Variants in GALC observed in about 807,000 individuals in gnomAD.
GALC encodes the protein galactocerebrosidase.
GALC carries 77 observed loss-of-function variants against 91.8 expected under a neutral mutation model. The observed-to-expected ratio is 0.84, with a 90% CI of 0.70 to 1.01. The LOEUF is 1.01. Ranked by LOEUF, GALC falls within the 50% of genes least tolerant of loss-of-function variation. The pLI is 0.00. For missense variants in GALC, 882 were observed against 855.9 expected, an observed-to-expected ratio of 1.03 and a Z score of -0.38; for synonymous variants, 357 against 306.7, an observed-to-expected ratio of 1.16 and a Z score of -1.71.
chr14:87,942,167 A>T (rs183107761), intron 14 of GALC, among the ~76,000 whole-genome samples: 5 of 152,106 alleles, frequency 3.3e-5, no homozygotes, highest in Non-Finnish European at 7.4e-5. Flanking sequence ...TCTTAAACTC[A>T]GTTCACTGGC....
chr14:87,973,323 G>A (rs1886370821), intron 7 of GALC, among the ~76,000 whole-genome samples: 1 of 152,066 alleles, frequency 6.6e-6, no homozygotes, highest in Admixed American at 6.6e-5. Context: ...AGGACTTGAA[G>A]GTGAGCATTT....
chr14:87,965,497 A>C lies in GALC; in HGVS notation c.1033+8T>G. On this transcript the variant is annotated splice_region_variant and intron_variant, in intron 9 of 16. Transcript: ENST00000261304. ...ATTTAGGGAGTGAGAGATGGAACTGAACCATACCTGATACCCAGACAGGAG... is the reference window on the plus strand; with the variant it reads ...ATTTAGGGAGTGAGAGATGGAACTGCACCATACCTGATACCCAGACAGGAG... The C allele has an allele frequency of 1.2e-6, 2 of 1,613,334 alleles. No individual in the cohort carries two copies. Among genetic ancestry groups the C allele is most frequent in the Non-Finnish European group, 1.7e-6 (2 of 1,179,470 alleles).
Position 87,949,876 on chromosome 14 carries a change from C to A in GALC, c.1307G>T (p.Arg436Ile). Residue 436 changes from arginine (R) to isoleucine (I), a missense_variant, in exon 12 of 17, where the codon AGA becomes ATA. Transcript: ENST00000261304. The stretch of plus-strand genomic sequence containing the variant: ...AGAATCCAGCTGCTTAAAAAGAAAT[C>A]TTTCGGATGTTTTTCCAAGTTTGGT... ...WYTKLGKTSE[R>I]FLFKQLDSLW... The A allele has an allele frequency of 1.9e-6, 3 of 1,598,266 alleles. No individual in the cohort carries two copies. Among genetic ancestry groups the A allele is most frequent in the Non-Finnish European group, 8.6e-7 (1 of 1,166,478 alleles).
intron 8 of GALC, among the ~76,000 whole-genome samples, chr14:87,967,685 C>T (rs1208629995): frequency 1.3e-5 from 2 of 152,114 alleles, no homozygotes; most frequent in Non-Finnish European, 2.9e-5. Context: ...CAAGTGATGC[C>T]ATGAGGAATC....
chr14:87,952,539 C>T (rs894201821), intron 10 of GALC: 1 of 830,602 alleles, frequency 1.2e-6, no homozygotes. Context: ...TGTTGCTCCA[C>T]TAAAAATGAC....
intron 9 of GALC, among the ~76,000 whole-genome samples, chr14:87,965,149 C>CTAA (rs1196609962): frequency 6.6e-6 from 1 of 152,110 alleles, no homozygotes; most frequent in Non-Finnish European, 1.5e-5. Context: ...GTCTTCAAAG[C>CTAA]TAATCTTAAG....
rs750293918 is a variant in GALC, at chr14:87,976,440, T to C, written c.670A>G (p.Ile224Val). ...NYQGLQRVKI[I>V]ASDNLWESIS... ...GACTCCCAGAGATTATCACTTGCTA[T>C]GATTTTCACTCGCTGGAGACCTTGA... Residue 224 changes from isoleucine (I) to valine (V), a missense_variant, in exon 7 of 17, where the codon ATA becomes GTA. Physicochemically the swap from Ile to Val is conservative, Grantham distance 29. Coordinates refer to ENST00000261304, the MANE Select transcript of GALC (RefSeq NM_000153.4). 9 of 1,613,616 alleles carry C rather than the reference T, an allele frequency of 5.6e-6. No individual in the cohort carries two copies. In the South Asian group the frequency reaches 9.9e-5, roughly 18 times the overall value.
At position 87,934,725 on chromosome 14, in the gene GALC, T is replaced by G. The variant is rs1338550726; in HGVS notation, c.*7A>C. 1.2e-6 allele frequency: 2 copies of G among 1,613,070 alleles called. No individual in the cohort carries two copies. Among genetic ancestry groups the G allele is most frequent in the Admixed American group, 3.3e-5 (2 of 59,872 alleles). On this transcript the variant is annotated 3_prime_UTR_variant, in exon 17 of 17. Coordinates refer to ENST00000261304, the MANE Select transcript of GALC (RefSeq NM_000153.4). ...ATCCAGAGTATTCTATGATGCCCTG[T>G]TAAGTATTAGCGTGTGGCTTCCACA...
intron 8 of GALC, among the ~76,000 whole-genome samples, chr14:87,967,790 C>T (rs10144207): frequency 0.33 from 49,832 of 151,976 alleles, 9,550 homozygotes; most frequent in East Asian, 0.75. Flanking sequence ...AAGGAAACCA[C>T]TCTAGATTAA....
chr14:87,971,323 T>C (rs1054949765), intron 7 of GALC, among the ~76,000 whole-genome samples: 6 of 152,082 alleles, frequency 3.9e-5, no homozygotes, highest in African/African-American at 9.7e-5. Context: ...AGGGGGAGCA[T>C]AGAAGACCAA....
chr14:87,938,916 A>C lies in GALC; in HGVS notation c.1911+989T>G, dbSNP rs548753685. 2.6e-5 allele frequency among the ~76,000 whole-genome samples: 4 copies of C among 152,108 alleles called. No individual in the cohort carries two copies. The South Asian group carries it at 8.3e-4, about 32-fold the overall frequency. On this transcript the variant is annotated intron_variant, in intron 16 of 16. Transcript: ENST00000261304. Reference sequence around the variant, plus strand: ...CAATGGGTTACTATCCAGAATACATATTAAATTCACACAAATTTGCCAGAA... The same window carrying C: ...CAATGGGTTACTATCCAGAATACATCTTAAATTCACACAAATTTGCCAGAA...
intron 6 of GALC, among the ~76,000 whole-genome samples, chr14:87,977,016 T>C (rs1886521813): frequency 7.8e-6 from 1 of 127,860 alleles, no homozygotes; most frequent in South Asian, 2.8e-4. Context: ...TAAAATTACG[T>C]TTAACCATAG....
intron 10 of GALC, among the ~76,000 whole-genome samples, chr14:87,958,673 G>A (rs2139981697): frequency 6.6e-6 from 1 of 152,166 alleles, no homozygotes; most frequent in African/African-American, 2.4e-5. Flanking sequence ...GAACAGAATA[G>A]AAAGTCCAGA....
intron 10 of GALC, among the ~76,000 whole-genome samples, chr14:87,958,981 A>G (rs773650019): frequency 5.9e-5 from 9 of 152,222 alleles, no homozygotes; most frequent in Non-Finnish European, 1.3e-4. Context: ...ACGCAAAAAT[A>G]GACAAAGGGG....
chr14:87,982,333 C>T, intron 5 of GALC, 90 bp from the exon 6 acceptor site: 1 of 863,920 alleles, frequency 1.2e-6, no homozygotes, highest in Non-Finnish European at 2.0e-6. Flanking sequence ...CTCTCATCAT[C>T]TTTCATATTA....
upstream of GALC, chr14:87,993,395 T>C (rs1452459939): frequency 1.3e-6 from 2 of 1,535,738 alleles, no homozygotes; most frequent in African/African-American, 2.7e-5. Context: ...CTGGCTTCTC[T>C]TCCGGCGTCA....
Position 87,971,123 on chromosome 14 carries a change from A to T in GALC, c.753-2633T>A, listed in dbSNP as rs1345604261. On this transcript the variant is annotated intron_variant, in intron 7 of 16. Transcript: ENST00000261304. ...GAAGCTCCTCAGTACTCCTCCTGAAACCAAACTGACCAACCAGATAAGGGA... is the reference window on the plus strand; with the variant it reads ...GAAGCTCCTCAGTACTCCTCCTGAATCCAAACTGACCAACCAGATAAGGGA... 2.0e-5 allele frequency among the ~76,000 whole-genome samples: 3 copies of T among 152,168 alleles called. No individual in the cohort carries two copies. The South Asian group carries it at 6.2e-4, about 32-fold the overall frequency.
rs1269710092 is a variant in GALC, at chr14:87,984,529, C to T, written c.447G>A (p.Leu149=). ...CCAGCCATCCAGGGAATGACCATGG[C>T]AACCCTGCAGAGAGAAGGGAGGAGG... The part of the protein sequence containing the change: ...KRNPNITLIG[L]PWSFPGWLGK... Residue 149 remains leucine, a synonymous_variant, in exon 5 of 17, where the codon TTG becomes TTA. Coordinates refer to ENST00000261304, the MANE Select transcript of GALC (RefSeq NM_000153.4). 1 of 1,614,096 alleles carries T rather than the reference C, an allele frequency of 6.2e-7. No individual in the cohort carries two copies. Among genetic ancestry groups the T allele is most frequent in the Non-Finnish European group, 8.5e-7 (1 of 1,179,996 alleles).
chr14:87,954,417 C>A, intron 10 of GALC: 1 of 1,594,858 alleles, frequency 6.3e-7, no homozygotes, highest in Non-Finnish European at 8.6e-7. Flanking sequence ...AGTCCTGGAG[C>A]AGCCTGGTAC....
Sources: gnomAD v4.1 joint callset for allele counts (sites outside exome capture counted in the v4.1 genomes callset) on GRCh38, gnomAD v4.1.1 for gene constraint, MANE v1.5 for transcripts, NCBI Gene and HGNC (gene_info 2026-07-23, HGNC 2026-07-21) for gene names.